The following RBFOX1 variants were observed in gnomAD, a reference collection of about 807,000 sequenced individuals.
RBFOX1 encodes the protein RNA binding fox-1 homolog 1, also known as RNA binding protein fox-1 homolog 1.
Under a neutral mutation model 57.7 loss-of-function variants are expected in RBFOX1, and 8 were observed. The ratio of observed to expected loss-of-function variants is 0.14; its 90% CI spans 0.08 to 0.25. The LOEUF (loss-of-function observed/expected upper bound fraction) is 0.25, where lower values mean the gene tolerates loss of function less well. Ranked by LOEUF, RBFOX1 falls within the 10% of genes least tolerant of loss-of-function variation. The pLI, the probability that RBFOX1 is intolerant of heterozygous loss-of-function variation, is 1.00. For synonymous variants in RBFOX1, 326 were observed against 222.4 expected (o/e 1.47, Z -4.15); for missense variants, 611 against 548.5 (o/e 1.11, Z -1.14).
intron 3 of RBFOX1, among the ~76,000 whole-genome samples, chr16:7,022,429 C>T (rs1432443481): frequency 6.6e-6 from 1 of 152,012 alleles, no homozygotes; most frequent in African/African-American, 2.4e-5. Context: ...AGCATATCTT[C>T]ATGCCCCACA....
chr16:7,588,517 A>C (rs7195207), intron 7 of RBFOX1, among the ~76,000 whole-genome samples: 125,144 of 152,112 alleles, frequency 0.82, 52,140 homozygotes, highest in Non-Finnish European at 0.89. Context: ...AATAGCTCTG[A>C]CGGGTCTCCT....
At chr16:7,308,461 T>A (rs906727100) in intron 4 of RBFOX1, among the ~76,000 whole-genome samples, 1 of 152,144 alleles carries the variant, frequency 6.6e-6, no homozygotes, top group Non-Finnish European at 1.5e-5. Flanking sequence ...AGCCTAAATT[T>A]AAAAATACGT....
intron 4 of RBFOX1, among the ~76,000 whole-genome samples, chr16:5,965,470 C>T (rs989191915): frequency 6.6e-6 from 1 of 152,056 alleles, no homozygotes; most frequent in African/African-American, 2.4e-5. Context: ...GTGGGGAAAC[C>T]AATCAAGCTG....
chr16:7,561,026 T>G (rs1341692206), intron 5 of RBFOX1, among the ~76,000 whole-genome samples: 2 of 152,230 alleles, frequency 1.3e-5, no homozygotes, highest in African/African-American at 4.8e-5. Flanking sequence ...AGGAGCTCCC[T>G]ACTGGTTCAG....
chr16:7,085,362 A>C (rs1366525638), intron 4 of RBFOX1, among the ~76,000 whole-genome samples: 2 of 152,036 alleles, frequency 1.3e-5, no homozygotes, highest in African/African-American at 4.8e-5. Flanking sequence ...GTACTTCAAA[A>C]AAAAATATAT....
At chr16:6,994,623 A>G (rs1250942073) in intron 3 of RBFOX1, among the ~76,000 whole-genome samples, 2 of 152,180 alleles carry the variant, frequency 1.3e-5, no homozygotes, top group African/African-American at 4.8e-5. Flanking sequence ...TAGTGTTTTG[A>G]TTACATCAAT....
At chr16:5,377,577 G>A (rs1441342405) in intron 1 of RBFOX1, among the ~76,000 whole-genome samples, 1 of 132,054 alleles carries the variant, frequency 7.6e-6, no homozygotes, top group South Asian at 2.5e-4. Context: ...AGGAAAGAGA[G>A]GAGATGGGGG....
chr16:6,452,275 C>T (rs1429429084), intron 2 of RBFOX1, among the ~76,000 whole-genome samples: 1 of 151,664 alleles, frequency 6.6e-6, no homozygotes, highest in Admixed American at 6.6e-5. Context: ...TGGCTCCTTC[C>T]TTCCATGACT....
chr16:5,411,311 G>C lies in RBFOX1; in HGVS notation c.220-55905G>C, dbSNP rs185900590. Among the ~76,000 whole-genome samples the C allele has an allele frequency of 2.6e-5, 4 of 152,302 alleles. No individual in the cohort carries two copies. In the East Asian group the frequency reaches 5.8e-4, roughly 22 times the overall value. On this transcript the variant is annotated intron_variant, in intron 1 of 2. Coordinates refer to the RBFOX1 transcript ENST00000585867. ...ACCTGGGTGAGTGCAGTGAAATCAC[G>C]AGTCACAGTAAGAGAGAAGTAGCAG...
chr16:6,912,430 C>G (rs925254907), intron 3 of RBFOX1, among the ~76,000 whole-genome samples: 2 of 152,072 alleles, frequency 1.3e-5, no homozygotes, highest in African/African-American at 4.8e-5. Context: ...TGTCTGTTCT[C>G]TGTGAGTAAA....
chr16:6,294,154 C>T (rs970497197), intron 1 of RBFOX1, among the ~76,000 whole-genome samples: 1 of 152,100 alleles, frequency 6.6e-6, no homozygotes, highest in African/African-American at 2.4e-5. Context: ...TGCACTCCAG[C>T]CTGAGCGACA....
At chr16:7,087,080 G>A (rs965615908) in intron 4 of RBFOX1, among the ~76,000 whole-genome samples, 1 of 152,182 alleles carries the variant, frequency 6.6e-6, no homozygotes, top group Non-Finnish European at 1.5e-5. Context: ...TGAGCTGTGC[G>A]GTGTGAAGAG....
intron 4 of RBFOX1, among the ~76,000 whole-genome samples, chr16:7,257,354 C>T (rs1017012855): frequency 6.6e-6 from 1 of 152,162 alleles, no homozygotes; most frequent in Admixed American, 6.5e-5. Flanking sequence ...GGTAAAATTA[C>T]ATGCAACCTC....
chr16:7,269,464 CAG>C (rs150381480), intron 4 of RBFOX1, among the ~76,000 whole-genome samples: 34 of 149,826 alleles, frequency 2.3e-4, no homozygotes, highest in African/African-American at 2.2e-4. Flanking sequence ...GTTTGTGGGA[CAG>C]AGAGAGAGAG....
intron 4 of RBFOX1, among the ~76,000 whole-genome samples, chr16:7,366,814 C>T (rs1304977265): frequency 2.0e-5 from 3 of 152,016 alleles, no homozygotes; most frequent in Non-Finnish European, 4.4e-5. Context: ...AGTGAAAGTA[C>T]ATTAGGAGAC....
At chr16:5,793,173 C>T (rs942333179) in intron 3 of RBFOX1, among the ~76,000 whole-genome samples, 6 of 152,188 alleles carry the variant, frequency 3.9e-5, no homozygotes, top group African/African-American at 1.4e-4. Flanking sequence ...TTTCTCTAAA[C>T]TTGCACTTCA....
At chr16:7,498,890 C>G (rs987843652) in intron 4 of RBFOX1, among the ~76,000 whole-genome samples, 3 of 152,306 alleles carry the variant, frequency 2.0e-5, no homozygotes, top group Admixed American at 2.0e-4. Flanking sequence ...ACTTTCTCCT[C>G]TGAAGTGTTA....
intron 4 of RBFOX1, among the ~76,000 whole-genome samples, chr16:7,158,062 G>A (rs1052938509): frequency 6.6e-6 from 1 of 152,142 alleles, no homozygotes; most frequent in Non-Finnish European, 1.5e-5. Flanking sequence ...AAAAACTACA[G>A]GGTTGGCTGG....
At chr16:6,412,973 A>G (rs1037994366) in intron 2 of RBFOX1, among the ~76,000 whole-genome samples, 2 of 152,208 alleles carry the variant, frequency 1.3e-5, no homozygotes, top group African/African-American at 4.8e-5. Flanking sequence ...CTCTTGCCTC[A>G]GATACTTTAA....
Sources: allele counts gnomAD v4.1 joint callset (sites outside exome capture counted in the v4.1 genomes callset), GRCh38; gene constraint gnomAD v4.1.1; transcripts MANE v1.5; gene names NCBI Gene and HGNC (gene_info 2026-07-23, HGNC 2026-07-21).